PNKD: variants seen among roughly 807,000 people sequenced by gnomAD.
PNKD encodes the protein PNKD metallo-beta-lactamase domain containing.
Under a neutral mutation model 45.3 loss-of-function variants are expected in PNKD, and 36 were observed. That is an observed-to-expected ratio of 0.80 (90% CI 0.61 to 1.05). The LOEUF (loss-of-function observed/expected upper bound fraction) is 1.05, where lower values mean the gene tolerates loss of function less well. PNKD is among the 50% of genes least tolerant of loss of function. The pLI is 0.00. For synonymous variants in PNKD, 197 were observed against 210.1 expected (o/e 0.94, Z 0.54); for missense variants, 511 against 506.6 (o/e 1.01, Z -0.08).
chr2:218,339,972 C>A, intron 3 of PNKD, 57 bp from the exon 4 acceptor site: 1 of 1,296,646 alleles, frequency 7.7e-7, no homozygotes, highest in Non-Finnish European at 1.1e-6. Flanking sequence ...CCTTCACATA[C>A]CCCAGCCCCT....
chr2:218,314,652 C>T (rs1693720325), intron 2 of PNKD, among the ~76,000 whole-genome samples: 2 of 150,842 alleles, frequency 1.3e-5, no homozygotes, highest in African/African-American at 4.9e-5. Flanking sequence ...TCTGTAATCA[C>T]TCCTTGGCCT....
chr2:218,301,550 GC>G (rs1213205951), intron 2 of PNKD, among the ~76,000 whole-genome samples: 1 of 152,154 alleles, frequency 6.6e-6, no homozygotes, highest in Non-Finnish European at 1.5e-5. Context: ...TTTTAGCCAG[GC>G]CCAGGCAGAA....
At chr2:218,319,610 G>A (rs796177307) in intron 2 of PNKD, among the ~76,000 whole-genome samples, 11 of 152,204 alleles carry the variant, frequency 7.2e-5, no homozygotes, top group African/African-American at 2.2e-4. Flanking sequence ...TCCTGACCTC[G>A]TGATCTGCCC....
chr2:218,278,141 G>GACA, intron 2 of PNKD: 1 of 690,660 alleles, frequency 1.4e-6, no homozygotes, highest in Non-Finnish European at 2.4e-6. Flanking sequence ...GGTACGCAGG[G>GACA]ACAACATGGG....
intron 2 of PNKD, chr2:218,275,882 A>G (rs762117520): frequency 8.4e-6 from 9 of 1,067,990 alleles, no homozygotes; most frequent in East Asian, 5.2e-5. Flanking sequence ...ACAAAAATCA[A>G]TGGAATCTCT....
intron 2 of PNKD, among the ~76,000 whole-genome samples, chr2:218,282,770 C>A (rs1044077661): frequency 6.6e-6 from 1 of 152,150 alleles, no homozygotes; most frequent in Non-Finnish European, 1.5e-5. Flanking sequence ...TCCAGGGACC[C>A]GGGGGCCAGT....
chr2:218,315,125 CTTTCTTT>C (rs1693773476), intron 2 of PNKD, among the ~76,000 whole-genome samples: 4 of 118,796 alleles, frequency 3.4e-5, no homozygotes, highest in African/African-American at 1.3e-4. Context: ...TCCTTCCTTT[CTTTCTTT>C]CTTTCTTTCT....
At chr2:218,278,573 CAA>C (rs1229278497) in intron 2 of PNKD, 2 of 1,614,148 alleles carry the variant, frequency 1.2e-6, no homozygotes, top group Admixed American at 1.7e-5. Context: ...GCACTAGGGA[CAA>C]AGAGATGGGG....
chr2:218,272,900 G>A, intron 2 of PNKD: 2 of 1,562,020 alleles, frequency 1.3e-6, no homozygotes, highest in Non-Finnish European at 1.7e-6. Context: ...CCACACCAAG[G>A]AGCCAGCCAA....
intron 2 of PNKD, among the ~76,000 whole-genome samples, chr2:218,328,850 G>T (rs141330663): frequency 2.0e-5 from 3 of 152,220 alleles, no homozygotes; most frequent in Admixed American, 1.3e-4. Context: ...CTTCCCGTGC[G>T]CATTCTTGCT....
intron 2 of PNKD, chr2:218,282,195 G>A: frequency 7.3e-7 from 1 of 1,374,388 alleles, no homozygotes; most frequent in Admixed American, 3.3e-5. Flanking sequence ...AAATGGGAGA[G>A]GAGAAAAGCA....
intron 2 of PNKD, among the ~76,000 whole-genome samples, chr2:218,308,410 A>G (rs1202694539): frequency 4.6e-5 from 7 of 151,884 alleles, no homozygotes; most frequent in African/African-American, 1.7e-4. Context: ...GCTGTTCTCA[A>G]ACTCCTAAGC....
chr2:218,325,440 T>G (rs180751780), intron 2 of PNKD, among the ~76,000 whole-genome samples: 1 of 152,098 alleles, frequency 6.6e-6, no homozygotes, highest in East Asian at 1.9e-4. Flanking sequence ...ACTCCTGACC[T>G]CATGATCTGC....
rs150854122 is a variant in PNKD at position 218,326,023 on chromosome 2, G to A, written c.237-13760G>A. 6.6e-5 allele frequency among the ~76,000 whole-genome samples: 10 copies of A among 151,908 alleles called. No homozygotes were observed. In the East Asian group the frequency reaches 1.9e-3, roughly 29 times the overall value. ...GCAGGAAACTGTAGGGGGGAAATGGGCAGGTGTTGGTGCTAGGGGTGCCTC... is the reference window on the plus strand; with the variant it reads ...GCAGGAAACTGTAGGGGGGAAATGGACAGGTGTTGGTGCTAGGGGTGCCTC... On this transcript the variant is annotated intron_variant, in intron 2 of 9. Coordinates refer to ENST00000273077, the MANE Select transcript of PNKD (RefSeq NM_015488.5). This position sits in a 1 kb window ranked among gnomAD's most constrained non-coding sequence, Gnocchi z 4.1.
chr2:218,291,083 C>T (rs990300111), intron 2 of PNKD, among the ~76,000 whole-genome samples: 2 of 152,112 alleles, frequency 1.3e-5, no homozygotes, highest in Non-Finnish European at 2.9e-5. Context: ...GCTGAGGCAC[C>T]CATTCCCAGG....
intron 2 of PNKD, chr2:218,277,695 T>C (rs1279959738): frequency 6.2e-6 from 10 of 1,613,820 alleles, no homozygotes; most frequent in Non-Finnish European, 8.5e-6. Flanking sequence ...GAGACAAGAA[T>C]GAAACACTTA....
intron 2 of PNKD, chr2:218,323,167 C>G: frequency 7.3e-7 from 1 of 1,362,664 alleles, no homozygotes; most frequent in Non-Finnish European, 9.4e-7. Flanking sequence ...ACAACGCCCC[C>G]ACGTCCAGAG....
chr2:218,323,461 C>G, intron 2 of PNKD: 1 of 1,505,990 alleles, frequency 6.6e-7, no homozygotes, highest in Non-Finnish European at 8.8e-7. Flanking sequence ...AGCGTGCGGG[C>G]TCGGGAGGCG....
At chr2:218,342,243 C>T in intron 7 of PNKD, 99 bp downstream of exon 7, 1 of 996,924 alleles carries the variant, frequency 1.0e-6, no homozygotes, top group Non-Finnish European at 1.5e-6. Context: ...TTAGTTTTAG[C>T]ACAGATGTTG....
Sources: allele counts gnomAD v4.1 joint callset (sites outside exome capture counted in the v4.1 genomes callset), GRCh38; gene constraint gnomAD v4.1.1; non-coding constraint Gnocchi (gnomAD v3.1); transcripts MANE v1.5; gene names NCBI Gene and HGNC (gene_info 2026-07-23, HGNC 2026-07-21).